Variants in KIF20A observed in about 807,000 individuals in gnomAD.
KIF20A encodes the protein kinesin family member 20A.
In KIF20A, 66 loss-of-function variants were observed where a neutral mutation model predicts 113.0. The observed-to-expected ratio is 0.58, with a 90% CI of 0.48 to 0.72. The LOEUF (loss-of-function observed/expected upper bound fraction) is 0.72, where lower values mean the gene tolerates loss of function less well. KIF20A is among the 30% of genes least tolerant of loss of function. The pLI, the probability that KIF20A is intolerant of heterozygous loss-of-function variation, is 0.00. For missense variants in KIF20A, 927 were observed against 1,077.6 expected (o/e 0.86, Z 1.96); for synonymous variants, 376 against 402.3 (o/e 0.93, Z 0.78).
chr5:138,187,213 T>C lies in KIF20A; in HGVS notation c.2473T>C (p.Ser825Pro), dbSNP rs1754759438. ...HTVLKLQGQV[S>P]AKKRLGTNQE... ...TGTGTTGAAACTCCAAGGCCAGGTT[T>C]CTGCCAAAAAGCGCCTTGGTACCAA... The change falls in exon 19 of 19, where the codon TCT (serine) becomes CCT (proline). Residue 825 changes from serine to proline, a missense_variant. By Grantham distance (74) the Ser-to-Pro change is moderately conservative (BLOSUM62 -1). Transcript: ENST00000394894. 1 of 1,614,178 alleles carries C rather than the reference T, an allele frequency of 6.2e-7. No homozygotes were observed. The highest frequency in any genetic ancestry group is 8.5e-7 in the Non-Finnish European group (1 of 1,180,014).
chr5:138,182,820 C>T lies in KIF20A; in HGVS notation c.703-41C>T, dbSNP rs767455999. ...CAGTGGGGGTAGGGGGTACAAATCT[C>T]GGGGAAGTTTTGTGCTTACCTTCTC... On this transcript the variant is annotated intron_variant, in intron 6 of 18. Coordinates refer to ENST00000394894, the MANE Select transcript of KIF20A (RefSeq NM_005733.3). The T allele has an allele frequency of 6.2e-6, 10 of 1,613,622 alleles. No homozygotes were observed. In the South Asian group the frequency reaches 7.7e-5, roughly 12 times the overall value.
At chr5:138,179,408 G>T (rs1182655019) in intron 1 of KIF20A, 1 of 434,264 alleles carries the variant, frequency 2.3e-6, no homozygotes, top group South Asian at 2.3e-5. Flanking sequence ...CCTACTTTAG[G>T]CGTAGCCTTC....
In KIF20A at chr5:138,183,156, G is replaced by A; in HGVS notation, c.833-13G>A. 1 of 1,613,404 alleles carries A rather than the reference G, an allele frequency of 6.2e-7. No individual in the cohort carries two copies. The highest frequency in any genetic ancestry group is 1.3e-5 in the African/African-American group (1 of 75,030). ...CTCTAGGTTGATGCCCTATACATTG[G>A]CTTCTTCTCCAGAAACAAGTCATCG... is the stretch of plus-strand genomic sequence containing the variant. On this transcript the variant is annotated splice_polypyrimidine_tract_variant and intron_variant, in intron 7 of 18. Coordinates refer to ENST00000394894, the MANE Select transcript of KIF20A (RefSeq NM_005733.3). This position sits in a 1 kb window ranked among gnomAD's most constrained non-coding sequence, Gnocchi z 5.2.
Position 138,182,352 on chromosome 5 carries a change from C to T in KIF20A, c.405C>T (p.Ser135=), listed in dbSNP as rs753994532. 5 of 1,613,946 alleles carry T rather than the reference C, an allele frequency of 3.1e-6. No homozygotes were observed. The highest frequency in any genetic ancestry group is 3.4e-6 in the Non-Finnish European group (4 of 1,179,992). Residue 135 remains serine, a synonymous_variant, in exon 5 of 19, where the codon TCC becomes TCT. Transcript: ENST00000394894. ...TTGGGCCAGAAGTGGGACAGGCATC[C>T]TTCTTCAACCTAACTGTGAAGGAGA... ...QIFGPEVGQA[S]FFNLTVKEMV...
intron 2 of KIF20A, among the ~76,000 whole-genome samples, chr5:138,180,374 A>T (rs1754635606): frequency 6.6e-6 from 1 of 152,158 alleles, no homozygotes; most frequent in Non-Finnish European, 1.5e-5. Context: ...CTTGGCATTT[A>T]CCCACTAGAT....
intron 2 of KIF20A, among the ~76,000 whole-genome samples, chr5:138,180,155 G>A (rs1754627735): frequency 6.6e-6 from 1 of 152,110 alleles, no homozygotes; most frequent in Non-Finnish European, 1.5e-5. Flanking sequence ...TTGCCTTGAG[G>A]CCCAGTTGTG....
In KIF20A at chr5:138,187,599, T is replaced by G; in HGVS notation, c.*186T>G. On this transcript the variant is annotated 3_prime_UTR_variant, in exon 19 of 19. Coordinates refer to ENST00000394894, the MANE Select transcript of KIF20A (RefSeq NM_005733.3). The stretch of plus-strand genomic sequence containing the variant: ...TGTAATCTCATGTTGTTGTTTTTTT[T>G]TATTTACTTATATGATTTCTATGCA... 6.0e-6 allele frequency: 3 copies of G among 499,934 alleles called. No homozygotes were observed. In the East Asian group the frequency reaches 9.5e-5, roughly 16 times the overall value. The allele number at this position is 499,934 out of a possible 1,614,324, so 31.0% of individuals were successfully genotyped here.
intron 18 of KIF20A, 119 bp downstream of exon 18, chr5:138,186,550 C>A: frequency 9.1e-7 from 1 of 1,097,240 alleles, no homozygotes; most frequent in Non-Finnish European, 1.3e-6. Flanking sequence ...ATAGTGAGAG[C>A]AGTATATTTG....
chr5:138,185,274 A>G (rs1328179898), intron 15 of KIF20A, 77 bp downstream of exon 15: 2 of 1,005,760 alleles, frequency 2.0e-6, no homozygotes, highest in Non-Finnish European at 3.1e-6. Context: ...GAGATTTTAT[A>G]AACTACTCCA....
rs1397775621 is a variant in KIF20A, at chr5:138,183,394, C to G, written c.1027+31C>G. 6.2e-7 allele frequency: 1 copy of G among 1,613,308 alleles called. No homozygotes were observed. The highest frequency in any genetic ancestry group is 1.1e-5 in the South Asian group (1 of 91,034). ...GGAACATGGGGAAAGCTGGCATGAACCCTGGAGGGCAACTGGGGAGAGACT... is the reference window on the plus strand; with the variant it reads ...GGAACATGGGGAAAGCTGGCATGAAGCCTGGAGGGCAACTGGGGAGAGACT... On this transcript the variant is annotated intron_variant, in intron 8 of 18. Coordinates refer to ENST00000394894, the MANE Select transcript of KIF20A (RefSeq NM_005733.3). The surrounding 1 kb of genome is among the most constrained non-coding windows in gnomAD (Gnocchi z 5.2).
At position 138,182,965 on chromosome 5, in the gene KIF20A, G is replaced by T; in HGVS notation, c.807G>T (p.Gln269His). The part of the protein sequence containing the change: ...SGIAGLSSIS[Q>H]CTSSSQLDET... ...TTGCTGGGCTCTCTTCTATCAGTCA[G>T]TGTACCAGCAGTAGCCAGCTGGATG... Residue 269 changes from glutamine (Q) to histidine (H), a missense_variant, in exon 7 of 19, where the codon CAG becomes CAT. Transcript: ENST00000394894. The T allele has an allele frequency of 6.2e-7, 1 of 1,614,212 alleles. No individual in the cohort carries two copies. The highest frequency in any genetic ancestry group is 8.5e-7 in the Non-Finnish European group (1 of 1,180,036).
Position 138,186,031 on chromosome 5 carries a change from G to T in KIF20A, c.2196G>T (p.Lys732Asn). 6.2e-7 allele frequency: 1 copy of T among 1,614,014 alleles called. No homozygotes were observed. Among genetic ancestry groups the T allele is most frequent in the South Asian group, 1.1e-5 (1 of 91,068 alleles). Residue 732 changes from lysine to asparagine, a missense_variant, in exon 17 of 19, where the codon AAG becomes AAT. Lys to Asn is a moderately conservative substitution (Grantham distance 94, BLOSUM62 0). Transcript: ENST00000394894. ...AGCCCTTCACCATTGATGTGGACAA[G>T]AAGTTAGAAGAGGGCCAGAAGGTAA... is the stretch of plus-strand genomic sequence containing the variant. Reference protein sequence around the residue: ...SAKPFTIDVDKKLEEGQKNIR... With the variant: ...SAKPFTIDVDNKLEEGQKNIR...
rs751109917 is a variant in KIF20A at position 138,179,803 on chromosome 5, A to G, written c.123A>G (p.Ser41=). ...LGSVVRKNLL[S]DCSVVSTSLE... is the part of the protein sequence containing the mutation. ...CTGTGGTACGCAAGAACCTGCTATC[A>G]GACTGCTCTGTCGTCTCTACCTCCC... Residue 41 remains serine (S), a synonymous_variant, in exon 2 of 19, where the codon TCA becomes TCG. Transcript: ENST00000394894. 6.2e-7 allele frequency: 1 copy of G among 1,614,144 alleles called. No individual in the cohort carries two copies. The highest frequency in any genetic ancestry group is 1.1e-5 in the South Asian group (1 of 91,078).
intron 18 of KIF20A, 49 bp downstream of exon 18, chr5:138,186,480 G>A (rs770032780): frequency 1.3e-5 from 21 of 1,558,572 alleles, no homozygotes; most frequent in South Asian, 5.0e-5. Flanking sequence ...CCACTCCAGT[G>A]TATATGTGAG....
At chr5:138,186,086 T>C in intron 17 of KIF20A, 34 bp downstream of exon 17, 4 of 1,589,652 alleles carry the variant, frequency 2.5e-6, no homozygotes, top group Non-Finnish European at 2.6e-6. Context: ...ACCAAACTCT[T>C]ACCTAAGGCA....
Position 138,183,740 on chromosome 5 carries a change from G to A in KIF20A, c.1192G>A (p.Val398Ile), listed in dbSNP as rs765166193. Residue 398 changes from valine to isoleucine, a missense_variant, in exon 10 of 19, where the codon GTC (valine) becomes ATC (isoleucine). Coordinates refer to ENST00000394894, the MANE Select transcript of KIF20A (RefSeq NM_005733.3). This position sits in a 1 kb window ranked among gnomAD's most constrained non-coding sequence, Gnocchi z 5.2. ...ACACCTTCAGGGGGAAGGAGATATA[G>A]TCCCCAAGATCAGCGAGTAAGTTTA... ...ILHLQGEGDI[V>I]PKISELSLCD... 1.2e-6 allele frequency: 2 copies of A among 1,613,484 alleles called. No individual in the cohort carries two copies. The highest frequency in any genetic ancestry group is 1.1e-5 in the South Asian group (1 of 91,054).
chr5:138,181,020 C>A (rs1754652976), intron 2 of KIF20A, among the ~76,000 whole-genome samples: 1 of 152,198 alleles, frequency 6.6e-6, no homozygotes, highest in African/African-American at 2.4e-5. Context: ...TATTATTAAC[C>A]CCATTCTGCA....
chr5:138,184,220 A>G lies in KIF20A; in HGVS notation c.1353-19A>G, dbSNP rs1754706990. The G allele has an allele frequency of 6.2e-7, 1 of 1,613,542 alleles. No homozygotes were observed. On this transcript the variant is annotated intron_variant, in intron 11 of 18. Coordinates refer to ENST00000394894, the MANE Select transcript of KIF20A (RefSeq NM_005733.3). ...CTGGTGTTCTGCTCACAGCTCTATTATCTCTGATTCTCTGCCAGGTCAAAG... is the reference window on the plus strand; with the variant it reads ...CTGGTGTTCTGCTCACAGCTCTATTGTCTCTGATTCTCTGCCAGGTCAAAG...
At chr5:138,186,073 T>C in intron 17 of KIF20A, 21 bp downstream of exon 17, 5 of 1,603,140 alleles carry the variant, frequency 3.1e-6, no homozygotes, top group Non-Finnish European at 4.3e-6. Flanking sequence ...CCATTCTCTG[T>C]TTACCAAACT....
Sources: gnomAD v4.1 joint callset for allele counts (sites outside exome capture counted in the v4.1 genomes callset) on GRCh38, gnomAD v4.1.1 for gene constraint, Gnocchi (gnomAD v3.1) non-coding constraint, MANE v1.5 for transcripts, NCBI Gene and HGNC (gene_info 2026-07-23, HGNC 2026-07-21) for gene names.